The following GABPB2 variants were observed in gnomAD, a reference collection of about 807,000 sequenced individuals.
GABPB2 encodes the protein GA binding protein transcription factor subunit beta 2.
In GABPB2, 23 loss-of-function variants were observed where a neutral mutation model predicts 39.1. The ratio of observed to expected loss-of-function variants is 0.59; its 90% CI spans 0.42 to 0.83. The LOEUF is 0.83. Among genes scored for constraint, GABPB2 ranks in the 40% least tolerant of loss-of-function variants. The pLI is 0.00. For missense variants in GABPB2, 467 were observed against 541.1 expected, an observed-to-expected ratio of 0.86 and a Z score of 1.36; for synonymous variants, 184 against 199.3, an observed-to-expected ratio of 0.92 and a Z score of 0.65.
chr1:151,087,419 G>C (rs1162812412), intron 1 of GABPB2, among the ~76,000 whole-genome samples: 1 of 152,016 alleles, frequency 6.6e-6, no homozygotes, highest in Non-Finnish European at 1.5e-5. Flanking sequence ...GGCTGAGGTG[G>C]GTGGATCACT....
intron 5 of GABPB2, among the ~76,000 whole-genome samples, chr1:151,100,018 AT>A (rs1211231223): frequency 3.9e-5 from 6 of 152,192 alleles, no homozygotes; most frequent in Admixed American, 3.3e-4. Context: ...ATCAACAGTT[AT>A]TTAAAATAAT....
At chr1:151,095,865 C>G (rs1179694762) in intron 4 of GABPB2, among the ~76,000 whole-genome samples, 4 of 151,862 alleles carry the variant, frequency 2.6e-5, no homozygotes, top group Admixed American at 6.6e-5. Context: ...GAAACCTCAT[C>G]TTTACTAAAA....
At position 151,100,143 on chromosome 1, in the gene GABPB2, CTTTTTTTTTTT is replaced by C. The variant is rs587754459; in HGVS notation, c.622+2150_622+2160del. Among the ~76,000 whole-genome samples, 785 of 138,856 alleles carry C rather than the reference CTTTTTTTTTTT, an allele frequency of 5.7e-3. 5 individuals are homozygous for C. Among genetic ancestry groups the C allele is most frequent in the African/African-American group, 0.019 (730 of 37,710 alleles). 91.1% of individuals were successfully genotyped at this position (138,856 alleles called of 152,430 possible). A position where few individuals can be genotyped will look rare whatever the true frequency, so the allele number is the denominator to read the frequency against. The stretch of plus-strand genomic sequence containing the variant: ...GGTTCAGTCACACTGATTAAAACAA[CTTTTTTTTTTT>C]TTTTTTTTGAGACGGAGTCTCGCTC... On this transcript the variant is annotated intron_variant, in intron 5 of 8. Coordinates refer to ENST00000368918, the MANE Select transcript of GABPB2 (RefSeq NM_144618.3).
At chr1:151,073,163 G>A (rs1445527615) in intron 1 of GABPB2, 2 of 151,958 alleles carry the variant, frequency 1.3e-5, no homozygotes, top group Non-Finnish European at 2.9e-5. Flanking sequence ...CACAGGTATG[G>A]GCCACCACAC....
chr1:151,110,409 A>T (rs1680329181), intron 7 of GABPB2, among the ~76,000 whole-genome samples: 1 of 152,092 alleles, frequency 6.6e-6, no homozygotes, highest in Non-Finnish European at 1.5e-5. Flanking sequence ...GAAATAAATA[A>T]ATGAAAACTG....
At chr1:151,091,524 G>A (rs1003402453) in intron 3 of GABPB2, among the ~76,000 whole-genome samples, 26 of 135,944 alleles carry the variant, frequency 1.9e-4, no homozygotes, top group Admixed American at 1.9e-3. Context: ...GCCCAGGCTC[G>A]AGTGCGGTGG....
rs36109860 is a variant in GABPB2, at chr1:151,089,940, A to ATT, written c.109-452_109-451dup. Among the ~76,000 whole-genome samples the ATT allele has an allele frequency of 4.0e-3, 574 of 143,740 alleles. 5 individuals are homozygous for ATT. The highest frequency in any genetic ancestry group is 5.9e-3 in the Non-Finnish European group (388 of 66,224). The allele number at this position is 143,740 out of a possible 152,430, so 94.3% of individuals were successfully genotyped here. A position where few individuals can be genotyped will look rare whatever the true frequency, so the allele number is the denominator to read the frequency against. ...TATTTATTTGTCCATTAGCATGTTA[A>ATT]TTTTTTTTTTTTTTTGAGACGGTGT... On this transcript the variant is annotated intron_variant, in intron 2 of 8. Coordinates refer to ENST00000368918, the MANE Select transcript of GABPB2 (RefSeq NM_144618.3).
intron 1 of GABPB2, chr1:151,072,986 T>C (rs1023034657): frequency 1.3e-5 from 2 of 152,256 alleles, no homozygotes; most frequent in Non-Finnish European, 2.9e-5. Context: ...TCCCATCCCC[T>C]ATTGACATAT....
intron 5 of GABPB2, among the ~76,000 whole-genome samples, chr1:151,100,912 T>C (rs1679467496): frequency 6.6e-6 from 1 of 151,492 alleles, no homozygotes; most frequent in South Asian, 2.1e-4. Flanking sequence ...GAAGAAAAAC[T>C]GGAAAGAATA....
chr1:151,113,883 G>A (rs1306059311), intron 7 of GABPB2, among the ~76,000 whole-genome samples: 1 of 152,142 alleles, frequency 6.6e-6, no homozygotes, highest in African/African-American at 2.4e-5. Context: ...TTTGAGATTG[G>A]CTTTTTTCCT....
At chr1:151,110,847 T>C (rs1291371353) in intron 7 of GABPB2, among the ~76,000 whole-genome samples, 3 of 152,224 alleles carry the variant, frequency 2.0e-5, no homozygotes, top group Non-Finnish European at 4.4e-5. Context: ...AATCCCAGAC[T>C]AAACTTCCAT....
chr1:151,101,887 T>C lies in GABPB2; in HGVS notation c.623-1675T>C, dbSNP rs1679552448. On this transcript the variant is annotated intron_variant, in intron 5 of 8. Coordinates refer to ENST00000368918, the MANE Select transcript of GABPB2 (RefSeq NM_144618.3). The stretch of plus-strand genomic sequence containing the variant: ...ATACTTTTTTTCCCCAACAAGGAAA[T>C]ATCTACAGTTAGAGTAATACTTTTG... Among the ~76,000 whole-genome samples, 3 of 152,230 alleles carry C rather than the reference T, an allele frequency of 2.0e-5. No homozygotes were observed. In the South Asian group the frequency reaches 6.2e-4, roughly 31 times the overall value.
chr1:151,112,088 G>T (rs1378781876), intron 7 of GABPB2, among the ~76,000 whole-genome samples: 2 of 148,590 alleles, frequency 1.3e-5, no homozygotes, highest in African/African-American at 4.9e-5. Flanking sequence ...GCTGGGCGTG[G>T]TGGTGGGCGC....
chr1:151,101,059 G>C (rs1461540583), intron 5 of GABPB2, among the ~76,000 whole-genome samples: 3 of 149,620 alleles, frequency 2.0e-5, no homozygotes, highest in Admixed American at 6.7e-5. Context: ...AGCCTGGGCA[G>C]CATGGTGAAA....
At chr1:151,085,374 G>A (rs1427870952) in intron 1 of GABPB2, among the ~76,000 whole-genome samples, 2 of 152,166 alleles carry the variant, frequency 1.3e-5, no homozygotes, top group Non-Finnish European at 2.9e-5. Flanking sequence ...TCCAGCCTGG[G>A]TGATGAGAGC....
rs773543626 is a variant in GABPB2, at chr1:151,103,653, C to T, written c.714C>T (p.Leu238=). ...CTCTTGCTGAGGCATCAGTCCCCCT[C>T]TCCAACTCACACAGAGCCACAGGTA... The part of the protein sequence containing the change: ...LAALAEASVP[L]SNSHRATANT... Residue 238 remains leucine (L), a synonymous_variant, in exon 6 of 9, where the codon CTC becomes CTT. Coordinates refer to ENST00000368918, the MANE Select transcript of GABPB2 (RefSeq NM_144618.3). 6.8e-5 allele frequency: 109 copies of T among 1,613,388 alleles called. No homozygotes were observed. The highest frequency in any genetic ancestry group is 9.0e-5 in the Non-Finnish European group (106 of 1,179,316).
At chr1:151,117,708 T>C (rs1680983780) in intron 8 of GABPB2, among the ~76,000 whole-genome samples, 192 bp downstream of exon 8, 1 of 152,116 alleles carries the variant, frequency 6.6e-6, no homozygotes, top group South Asian at 2.1e-4. Flanking sequence ...CTCAGCCTCC[T>C]GAGTAGCTGG....
In GABPB2 at chr1:151,093,282, C is replaced by T. The variant is rs1444741800; in HGVS notation, c.367C>T (p.Leu123Phe). The change falls in exon 4 of 9, where the codon CTT becomes TTT. Residue 123 changes from leucine to phenylalanine, a missense_variant. Leu to Phe is a conservative substitution (Grantham distance 22). Transcript: ENST00000368918. ...CCACCATCGAGATGTCGTAGAGTTA[C>T]TTATCAAATATGGAGCTGATGTCCA... ...ERHHRDVVEL[L>F]IKYGADVHAF... 1 of 1,613,408 alleles carries T rather than the reference C, an allele frequency of 6.2e-7. No individual in the cohort carries two copies. Among genetic ancestry groups the T allele is most frequent in the Admixed American group, 1.7e-5 (1 of 59,854 alleles).
chr1:151,107,067 C>T lies in GABPB2; in HGVS notation c.767C>T (p.Ser256Phe). Residue 256 changes from serine (S) to phenylalanine (F), a missense_variant, in exon 7 of 9, where the codon TCC (serine) becomes TTC (phenylalanine). Coordinates refer to ENST00000368918, the MANE Select transcript of GABPB2 (RefSeq NM_144618.3). ...ANTEEIIEGN[S>F]VDSSIQQVMG... ...ACAGAGGAAATTATAGAAGGAAATT[C>T]CGTTGACTCATCAATCCAGCAAGTA... is the stretch of plus-strand genomic sequence containing the variant. 3.7e-6 allele frequency: 6 copies of T among 1,608,252 alleles called. No homozygotes were observed. Among genetic ancestry groups the T allele is most frequent in the Non-Finnish European group, 5.1e-6 (6 of 1,178,166 alleles).
Sources: gnomAD v4.1 joint callset for allele counts (sites outside exome capture counted in the v4.1 genomes callset) on GRCh38, gnomAD v4.1.1 for gene constraint, MANE v1.5 for transcripts, NCBI Gene and HGNC (gene_info 2026-07-23, HGNC 2026-07-21) for gene names.